The following COL4A3 variants were observed in gnomAD, a reference collection of about 807,000 sequenced individuals.
COL4A3 encodes the protein collagen alpha-3(IV) chain.
COL4A3 carries 135 observed loss-of-function variants against 217.4 expected under a neutral mutation model. The ratio of observed to expected loss-of-function variants is 0.62; its 90% CI spans 0.54 to 0.72. COL4A3 has a LOEUF of 0.72. Ranked by LOEUF, COL4A3 falls within the 30% of genes least tolerant of loss-of-function variation. COL4A3 has a pLI of 0.00. For synonymous variants in COL4A3, 690 were observed against 736.3 expected, an observed-to-expected ratio of 0.94 and a Z score of 1.02; for missense variants, 1,868 against 2,119.9, an observed-to-expected ratio of 0.88 and a Z score of 2.33.
intron 1 of COL4A3, among the ~76,000 whole-genome samples, chr2:227,227,394 T>C (rs13417485): frequency 0.67 from 101,710 of 151,872 alleles, 34,579 homozygotes; most frequent in Non-Finnish European, 0.73. Flanking sequence ...CTCAGGAGTT[T>C]GAGACCAGCC....
At chr2:227,283,678 T>C in intron 32 of COL4A3, 89 bp from the exon 33 acceptor site, 1 of 1,125,542 alleles carries the variant, frequency 8.9e-7, no homozygotes, top group Non-Finnish European at 1.4e-6. Context: ...AATCTCTGCT[T>C]CTAAGTATAA....
chr2:227,273,563 C>G (rs911333020), intron 26 of COL4A3, among the ~76,000 whole-genome samples: 2 of 152,074 alleles, frequency 1.3e-5, no homozygotes, highest in Non-Finnish European at 2.9e-5. Flanking sequence ...GTCACCACGA[C>G]CAGCTAATAT....
Position 227,263,905 on chromosome 2 carries a change from C to G in COL4A3, c.1276C>G (p.Pro426Ala). 1.2e-6 allele frequency: 2 copies of G among 1,614,172 alleles called. No homozygotes were observed. The highest frequency in any genetic ancestry group is 4.5e-5 in the East Asian group (2 of 44,876). Residue 426 changes from proline (P) to alanine (A), a missense_variant, in exon 21 of 52, where the codon CCA (proline) becomes GCA (alanine). Physicochemically the swap from Pro to Ala is conservative, Grantham distance 27. This residue lies in a region of COL4A3 where 1,503 missense variants were observed against 1,786.1 expected (regional missense o/e 0.84). Coordinates refer to ENST00000396578, the MANE Select transcript of COL4A3 (RefSeq NM_000091.5). ...TGGGTCCCCAGGTTGTGCTGGTTCA[C>G]CAGGTCTTCCAGGATCACCGGGACC... ...TPGSPGCAGS[P>A]GLPGSPGPPG...
At position 227,191,640 on chromosome 2, in the gene COL4A3, G is replaced by C. The variant is rs2066246800; in HGVS notation, c.87+26827G>C. Among the ~76,000 whole-genome samples, 1 of 152,226 alleles carries C rather than the reference G, an allele frequency of 6.6e-6. No homozygotes were observed. The highest frequency in any genetic ancestry group is 2.1e-4 in the South Asian group (1 of 4,834). Reference sequence around the variant, plus strand: ...GGCCAAATAACTCATCTTGGAGACAGATGTAGCTGAAGTTTTACATTATGG... The same window carrying C: ...GGCCAAATAACTCATCTTGGAGACACATGTAGCTGAAGTTTTACATTATGG... On this transcript the variant is annotated intron_variant, in intron 1 of 51. Coordinates refer to ENST00000396578, the MANE Select transcript of COL4A3 (RefSeq NM_000091.5). This position sits in a 1 kb window ranked among gnomAD's most constrained non-coding sequence, Gnocchi z 6.8.
chr2:227,307,796 G>A lies in COL4A3; in HGVS notation c.4339G>A (p.Val1447Ile). The change falls in exon 48 of 52, where the codon GTC becomes ATC. Residue 1447 changes from valine to isoleucine, a missense_variant. Val to Ile is a conservative substitution (Grantham distance 29, BLOSUM62 3). Coordinates refer to ENST00000396578, the MANE Select transcript of COL4A3 (RefSeq NM_000091.5). The part of the protein sequence containing the change: ...SPATWTTRGF[V>I]FTRHSQTTAI... ...TGCAACCTGGACAACGAGAGGCTTT[G>A]TCTTCACCCGACACAGTCAAACCAC... The A allele has an allele frequency of 6.2e-7, 1 of 1,614,204 alleles. No individual in the cohort carries two copies.
chr2:227,269,226 T>C (rs1326840101), intron 23 of COL4A3, among the ~76,000 whole-genome samples: 1 of 152,228 alleles, frequency 6.6e-6, no homozygotes, highest in African/African-American at 2.4e-5. Context: ...TTTGAGACTA[T>C]TTGGCTCTGC....
chr2:227,274,067 T>C (rs1278130617), intron 26 of COL4A3, among the ~76,000 whole-genome samples: 1 of 151,856 alleles, frequency 6.6e-6, no homozygotes, highest in African/African-American at 2.4e-5. Context: ...CGAACCCCCA[T>C]CTCTACTAAA....
chr2:227,171,276 G>A (rs534020394), intron 1 of COL4A3, among the ~76,000 whole-genome samples: 1 of 152,250 alleles, frequency 6.6e-6, no homozygotes, highest in South Asian at 2.1e-4. Context: ...TATTCCAAGT[G>A]CTGTATTTTG....
intron 1 of COL4A3, among the ~76,000 whole-genome samples, chr2:227,201,481 G>A (rs2066683022): frequency 1.3e-5 from 2 of 152,172 alleles, no homozygotes; most frequent in Admixed American, 6.5e-5. Context: ...GTCTGAAGAC[G>A]CAGAAAGAAG....
intron 32 of COL4A3, 52 bp from the exon 33 acceptor site, chr2:227,283,715 C>T (rs2072131218): frequency 1.3e-6 from 2 of 1,496,170 alleles, no homozygotes; most frequent in African/African-American, 1.4e-5. Flanking sequence ...GAATATTTTG[C>T]TTTTCTCACT....
intron 1 of COL4A3, among the ~76,000 whole-genome samples, chr2:227,209,395 T>A (rs1460298797): frequency 6.6e-6 from 1 of 152,210 alleles, no homozygotes; most frequent in Admixed American, 6.5e-5. Flanking sequence ...ACTTTGCTTG[T>A]CATCCTCCCT....
intron 1 of COL4A3, among the ~76,000 whole-genome samples, chr2:227,170,379 A>T (rs908695743): frequency 6.6e-6 from 1 of 152,086 alleles, no homozygotes; most frequent in Non-Finnish European, 1.5e-5. Flanking sequence ...AGACTCGATA[A>T]TTTATGAAGA....
At chr2:227,249,232 T>TA (rs1559865184) in intron 9 of COL4A3, among the ~76,000 whole-genome samples, 8 of 14,204 alleles carry the variant, frequency 5.6e-4, no homozygotes, top group African/African-American at 1.5e-3. Context: ...ATATATATAT[T>TA]TTTTTTTTTT....
Position 227,164,705 on chromosome 2 carries a change from A to C in COL4A3, c.-22A>C. On this transcript the variant is annotated 5_prime_UTR_variant, in exon 1 of 52. Transcript: ENST00000396578. This position sits in a 1 kb window ranked among gnomAD's most constrained non-coding sequence, Gnocchi z 4.8. ...AGCCTGAGGGTCCCCGGACTCGCCC[A>C]GGCTCTGAGCGCGCGCCCACCATGA... The C allele has an allele frequency of 6.5e-7, 1 of 1,529,698 alleles. No homozygotes were observed. Among genetic ancestry groups the C allele is most frequent in the Non-Finnish European group, 8.7e-7 (1 of 1,144,938 alleles). 94.8% of individuals were successfully genotyped at this position (1,529,698 alleles called of 1,614,324 possible).
chr2:227,201,288 G>GA (rs904479032), intron 1 of COL4A3, among the ~76,000 whole-genome samples: 19 of 151,384 alleles, frequency 1.3e-4, no homozygotes, highest in African/African-American at 3.9e-4. Context: ...CACTAAGGAG[G>GA]AAAAAAAAAT....
At chr2:227,260,632 T>A (rs1251120200) in intron 19 of COL4A3, among the ~76,000 whole-genome samples, 2 of 152,240 alleles carry the variant, frequency 1.3e-5, no homozygotes, top group South Asian at 2.1e-4. Flanking sequence ...GACATTGATA[T>A]AGATTTTCTT....
In COL4A3 at chr2:227,302,677, C is replaced by CAAAAA. The variant is rs56065709; in HGVS notation, c.3883-336_3883-332dup. Among the ~76,000 whole-genome samples, 289 of 79,838 alleles carry CAAAAA rather than the reference C, an allele frequency of 3.6e-3. 23 individuals carry two copies. The highest frequency in any genetic ancestry group is 6.3e-3 in the African/African-American group (96 of 15,320). 52.4% of individuals were successfully genotyped at this position (79,838 alleles called of 152,430 possible). A position where few individuals can be genotyped will look rare whatever the true frequency, so the allele number is the denominator to read the frequency against. ...GGAGGACAAAACGAGACTCTTTCTC[C>CAAAAA]AAAAAAAAAAAAAAAAAAAAAAAAA... is the stretch of plus-strand genomic sequence containing the variant. On this transcript the variant is annotated intron_variant, in intron 43 of 51. Transcript: ENST00000396578.
At position 227,253,611 on chromosome 2, in the gene COL4A3, G is replaced by A; in HGVS notation, c.738G>A (p.Val246=). The change falls in exon 13 of 52, where the codon GTG becomes GTA. Residue 246 remains valine, a synonymous_variant. Coordinates refer to ENST00000396578, the MANE Select transcript of COL4A3 (RefSeq NM_000091.5). This position sits in a 1 kb window ranked among gnomAD's most constrained non-coding sequence, Gnocchi z 4.4. Reference sequence around the variant, plus strand: ...CGGGACCACCAGGAACAGTTATTGTGACCCTAACTGGCCCAGATAACAGAA... The same window carrying A: ...CGGGACCACCAGGAACAGTTATTGTAACCCTAACTGGCCCAGATAACAGAA... The part of the protein sequence containing the change: ...GPPGPPGTVI[V]TLTGPDNRTD... 1 of 1,614,064 alleles carries A rather than the reference G, an allele frequency of 6.2e-7. No individual in the cohort carries two copies. Among genetic ancestry groups the A allele is most frequent in the Non-Finnish European group, 8.5e-7 (1 of 1,179,962 alleles).
intron 34 of COL4A3, 45 bp from the exon 35 acceptor site, chr2:227,289,105 C>T: frequency 6.6e-7 from 1 of 1,504,496 alleles, no homozygotes; most frequent in Non-Finnish European, 9.2e-7. Flanking sequence ...CACCTGCCAC[C>T]ACACCTGGCT....
Sources: allele counts gnomAD v4.1 joint callset (sites outside exome capture counted in the v4.1 genomes callset), GRCh38; gene constraint gnomAD v4.1.1; regional missense constraint gnomAD v4.1.1; non-coding constraint Gnocchi (gnomAD v3.1); transcripts MANE v1.5; gene names NCBI Gene and HGNC (gene_info 2026-07-23, HGNC 2026-07-21).